The following PHF14 variants were observed in gnomAD, a reference collection of about 807,000 sequenced individuals.
PHF14 encodes PHD finger protein 14.
A neutral mutation model predicts 117.9 loss-of-function variants in PHF14; 55 were observed. The ratio of observed to expected loss-of-function variants is 0.47; its 90% CI spans 0.38 to 0.58. PHF14 has a LOEUF of 0.58. Among genes scored for constraint, PHF14 ranks in the 20% least tolerant of loss-of-function variants. The probability of loss-of-function intolerance (pLI) is 0.00; values close to 1 mark genes in which losing one functional copy is unlikely to be tolerated. For synonymous variants in PHF14, 409 were observed against 368.6 expected (o/e 1.11, Z -1.26); for missense variants, 978 against 1,122.2 (o/e 0.87, Z 1.84).
intron 13 of PHF14, among the ~76,000 whole-genome samples, chr7:11,047,822 G>A (rs188051384): frequency 7.8e-5 from 10 of 128,988 alleles, no homozygotes; most frequent in African/African-American, 2.9e-4. Context: ...GGGCAGGAGG[G>A]AGGGAAAGAA....
intron 11 of PHF14, among the ~76,000 whole-genome samples, chr7:11,039,861 G>C (rs1784443780): frequency 6.6e-6 from 1 of 152,156 alleles, no homozygotes. Flanking sequence ...TTGGTTGATG[G>C]ATTTTTGGAA....
chr7:11,028,840 G>A lies in PHF14; in HGVS notation c.1455+22G>A, dbSNP rs2301960. 5.8e-3 allele frequency: 9,285 copies of A among 1,606,642 alleles called. 412 individuals are homozygous for A. In the East Asian group the frequency reaches 0.12, roughly 21 times the overall value. On this transcript the variant is annotated intron_variant, in intron 7 of 17. Coordinates refer to ENST00000634607, the MANE Select transcript of PHF14 (RefSeq NM_001007157.2). The stretch of plus-strand genomic sequence containing the variant: ...AGAGGTAGGTTTATTTAAACCCATA[G>A]TTGGTGAACATGTTCACAAGATATC...
intron 3 of PHF14, among the ~76,000 whole-genome samples, chr7:10,989,982 G>A (rs1782387309): frequency 6.6e-6 from 1 of 152,100 alleles, no homozygotes; most frequent in Admixed American, 6.5e-5. Flanking sequence ...AGTTTACACT[G>A]GATATTTCTT....
chr7:11,080,496 C>G (rs964113033), intron 16 of PHF14, among the ~76,000 whole-genome samples: 2 of 151,980 alleles, frequency 1.3e-5, no homozygotes, highest in Admixed American at 6.6e-5. Flanking sequence ...AACTAAATAA[C>G]TTTTTCAGTA....
chr7:11,050,844 C>CT (rs1272589416), intron 13 of PHF14, among the ~76,000 whole-genome samples: 2 of 151,592 alleles, frequency 1.3e-5, no homozygotes, highest in African/African-American at 4.8e-5. Flanking sequence ...ATAATATGAC[C>CT]TTTTTTTTCC....
chr7:11,144,012 C>CT (rs1219510604), intron 17 of PHF14, among the ~76,000 whole-genome samples: 3 of 151,990 alleles, frequency 2.0e-5, no homozygotes, highest in Admixed American at 6.6e-5. Flanking sequence ...ACCTGGAACT[C>CT]TAACAACTCA....
chr7:11,081,537 ATTTAAG>A (rs1562456151), intron 16 of PHF14, among the ~76,000 whole-genome samples: 1 of 152,190 alleles, frequency 6.6e-6, no homozygotes, highest in African/African-American at 2.4e-5. Flanking sequence ...GTGGGAAAAC[ATTTAAG>A]TTTAAGTTAG....
chr7:11,070,599 A>T (rs1206370298), intron 16 of PHF14, among the ~76,000 whole-genome samples: 1 of 152,038 alleles, frequency 6.6e-6, no homozygotes, highest in Non-Finnish European at 1.5e-5. Context: ...ATTCTTCCTA[A>T]CTTATGTGGC....
intron 16 of PHF14, among the ~76,000 whole-genome samples, chr7:11,079,125 A>G (rs1785980924): frequency 6.6e-6 from 1 of 152,178 alleles, no homozygotes; most frequent in Admixed American, 6.5e-5. Context: ...ATTACAATGA[A>G]CTTAAAAGGA....
intron 4 of PHF14, among the ~76,000 whole-genome samples, chr7:10,998,877 A>G (rs184918777): frequency 3.3e-5 from 5 of 152,168 alleles, no homozygotes; most frequent in Non-Finnish European, 1.5e-5. Context: ...TTCTTAAGTC[A>G]TTCTTAGGTC....
intron 17 of PHF14, among the ~76,000 whole-genome samples, chr7:11,117,680 G>A (rs917819698): frequency 1.4e-5 from 2 of 146,392 alleles, no homozygotes; most frequent in African/African-American, 2.6e-5. Flanking sequence ...AGAATTTTGT[G>A]TCTTTAAGAA....
chr7:11,012,926 T>C (rs1783402172), intron 4 of PHF14, among the ~76,000 whole-genome samples: 1 of 152,196 alleles, frequency 6.6e-6, no homozygotes, highest in Non-Finnish European at 1.5e-5. Flanking sequence ...CTTTTCAAAC[T>C]GTTCTATAGC....
chr7:11,054,051 A>G (rs1455539391), intron 14 of PHF14, among the ~76,000 whole-genome samples: 5 of 152,096 alleles, frequency 3.3e-5, no homozygotes, highest in Admixed American at 6.6e-5. Context: ...ATATTTAGAA[A>G]CAGGATTACT....
intron 14 of PHF14, 167 bp from the exon 15 acceptor site, chr7:11,061,617 ATAAATGG>A: frequency 2.4e-6 from 1 of 409,308 alleles, no homozygotes; most frequent in Non-Finnish European, 4.4e-6. Context: ...TTCCTATGGC[ATAAATGG>A]TAACAAAGTG....
intron 12 of PHF14, 64 bp from the exon 13 acceptor site, chr7:11,042,619 A>G (rs1218153002): frequency 8.7e-6 from 10 of 1,147,278 alleles, no homozygotes; most frequent in Middle Eastern, 2.1e-4. Context: ...AAAATATGCT[A>G]TAAGTAAACT....
chr7:11,137,994 T>C (rs539465070), intron 17 of PHF14, among the ~76,000 whole-genome samples: 4 of 152,082 alleles, frequency 2.6e-5, no homozygotes, highest in South Asian at 4.2e-4. Flanking sequence ...AGACCAGCAG[T>C]ATATCTGTGG....
At chr7:11,156,836 AGT>A (rs1298319264) in intron 17 of PHF14, among the ~76,000 whole-genome samples, 2 of 152,144 alleles carry the variant, frequency 1.3e-5, no homozygotes, top group Admixed American at 6.5e-5. Flanking sequence ...TCTACACTTA[AGT>A]TTATTTCCAA....
At chr7:11,121,496 C>T (rs2062981627) in intron 17 of PHF14, among the ~76,000 whole-genome samples, 1 of 152,098 alleles carries the variant, frequency 6.6e-6, no homozygotes, top group Admixed American at 6.6e-5. Flanking sequence ...GTTCCAAGAC[C>T]CCTAGAAGAT....
chr7:11,138,995 A>G (rs1788328973), intron 17 of PHF14, among the ~76,000 whole-genome samples: 1 of 152,164 alleles, frequency 6.6e-6, no homozygotes, highest in South Asian at 2.1e-4. Flanking sequence ...TAAAATATCT[A>G]ATACAAGCTA....
Sources: allele counts gnomAD v4.1 joint callset (sites outside exome capture counted in the v4.1 genomes callset), GRCh38; gene constraint gnomAD v4.1.1; transcripts MANE v1.5; gene names NCBI Gene and HGNC (gene_info 2026-07-23, HGNC 2026-07-21).